The following CLDN16 variants were observed in gnomAD, a reference collection of about 807,000 sequenced individuals.
CLDN16 encodes claudin-16.
A neutral mutation model predicts 24.6 loss-of-function variants in CLDN16; 13 were observed. That is an observed-to-expected ratio of 0.53 (90% CI 0.34 to 0.84). The LOEUF is 0.84. Ranked by LOEUF, CLDN16 falls within the 40% of genes least tolerant of loss-of-function variation. The pLI is 0.01. For missense variants in CLDN16, 298 were observed against 292.7 expected (o/e 1.02, Z -0.13); for synonymous variants, 116 against 106.7 (o/e 1.09, Z -0.54).
the CLDN16 span, among the ~76,000 whole-genome samples, chr3:190,292,723 G>C: frequency 6.6e-6 from 1 of 152,070 alleles, no homozygotes; most frequent in African/African-American, 2.4e-5. Flanking sequence ...TATCTCTAGG[G>C]AAGAGGCAAA....
upstream of CLDN16, chr3:190,321,944 G>A (rs1029635385): frequency 1.3e-6 from 2 of 1,526,962 alleles, no homozygotes; most frequent in African/African-American, 2.7e-5. Flanking sequence ...AGGGGGACTG[G>A]GGCCTCTGGA....
chr3:190,360,718 T>C (rs1717870223), intron 1 of CLDN16, among the ~76,000 whole-genome samples: 1 of 151,990 alleles, frequency 6.6e-6, no homozygotes, highest in African/African-American at 2.4e-5. Flanking sequence ...AACTTTTTTT[T>C]CTCCATAGAG....
rs913158756 is a variant in CLDN16 at position 190,412,043 on chromosome 3, T to A, written c.*2007T>A. ...ATGTAATTTTTCCATTTTAAATATT[T>A]CATTTGTATAAGAAAATATTTCAGA... On this transcript the variant is annotated 3_prime_UTR_variant, in exon 5 of 5. Transcript: ENST00000264734. 4 of 152,140 alleles carry A rather than the reference T, an allele frequency of 2.6e-5. No homozygotes were observed. Among genetic ancestry groups the A allele is most frequent in the African/African-American group, 9.6e-5 (4 of 41,452 alleles). The allele number at this position is 152,140 out of a possible 1,614,324, so 9.4% of individuals were successfully genotyped here.
chr3:190,386,334 G>A (rs6788908), upstream of CLDN16, among the ~76,000 whole-genome samples: 121,442 of 152,070 alleles, frequency 0.8, 48,645 homozygotes, highest in East Asian at 0.89. Flanking sequence ...AATGTACCTC[G>A]CAGATAGTTA....
chr3:190,401,433 G>A lies in CLDN16; in HGVS notation c.115-904G>A, dbSNP rs138702302. 1.1e-3 allele frequency among the ~76,000 whole-genome samples: 162 copies of A among 152,260 alleles called. 1 individual carries two copies. The highest frequency in any genetic ancestry group is 3.7e-3 in the African/African-American group (153 of 41,554). ...TACTAAACTATTCCCAGATACAGAA[G>A]GTAATTTGAATCCATAACTGGGTCA... On this transcript the variant is annotated intron_variant, in intron 1 of 4. Transcript: ENST00000264734.
the CLDN16 span, among the ~76,000 whole-genome samples, chr3:190,304,685 A>T: frequency 6.6e-6 from 1 of 152,116 alleles, no homozygotes; most frequent in Non-Finnish European, 1.5e-5. Context: ...CTGGGGGTAA[A>T]TGGGGTTTTT....
intron 3 of CLDN16, among the ~76,000 whole-genome samples, chr3:190,406,887 G>A (rs867643466): frequency 2.2e-4 from 34 of 151,716 alleles, no homozygotes; most frequent in African/African-American, 7.8e-4. Flanking sequence ...GACTACAGGC[G>A]CCCACCACCA....
intron 1 of CLDN16, among the ~76,000 whole-genome samples, chr3:190,393,647 G>T (rs1163040214): frequency 2.0e-5 from 3 of 151,336 alleles, no homozygotes; most frequent in African/African-American, 7.3e-5. Context: ...TTTGCATAAT[G>T]TTCGCTGAAC....
At chr3:190,334,401 A>G (rs534236541) in intron 1 of CLDN16, among the ~76,000 whole-genome samples, 5 of 152,314 alleles carry the variant, frequency 3.3e-5, no homozygotes, top group African/African-American at 1.2e-4. Context: ...GAATAAAGAG[A>G]CTGAGAAGGG....
the CLDN16 span, among the ~76,000 whole-genome samples, chr3:190,314,401 T>G: frequency 4.6e-5 from 7 of 152,288 alleles, no homozygotes; most frequent in African/African-American, 1.7e-4. Context: ...ATCTCTTTAT[T>G]TTTCTTTTTT....
the CLDN16 span, chr3:190,313,274 C>A: frequency 1.9e-6 from 1 of 513,854 alleles, no homozygotes; most frequent in Admixed American, 3.5e-5. Context: ...TTTTATGTTT[C>A]CAACATTAAA....
intron 3 of CLDN16, among the ~76,000 whole-genome samples, chr3:190,379,476 G>T (rs908771513): frequency 6.6e-6 from 1 of 152,040 alleles, no homozygotes; most frequent in African/African-American, 2.4e-5. Context: ...ATGGCACATA[G>T]AATTCATTTG....
intron 1 of CLDN16, among the ~76,000 whole-genome samples, chr3:190,393,747 C>CTTTTTTTTTTTTTTTTTT (rs58465741): frequency 8.7e-6 from 1 of 115,238 alleles, no homozygotes; most frequent in Non-Finnish European, 1.7e-5. Context: ...TGTCATTTGC[C>CTTTTTTTTTTTTTTTTTT]TTTTTTTTTT....
intron 1 of CLDN16, among the ~76,000 whole-genome samples, chr3:190,335,708 C>CAAAAA (rs34082811): frequency 8.3e-4 from 50 of 59,992 alleles, no homozygotes; most frequent in Middle Eastern, 0.011. Flanking sequence ...AAGACTCCAT[C>CAAAAA]AAAAAAAAAA....
At chr3:190,389,886 A>T (rs1718607103) in intron 1 of CLDN16, among the ~76,000 whole-genome samples, 2 of 152,230 alleles carry the variant, frequency 1.3e-5, no homozygotes, top group African/African-American at 2.4e-5. Context: ...GTAAAATCCC[A>T]TCTAGGGGCA....
intron 1 of CLDN16, among the ~76,000 whole-genome samples, chr3:190,390,841 A>T (rs1451932978): frequency 6.6e-6 from 1 of 152,120 alleles, no homozygotes; most frequent in Non-Finnish European, 1.5e-5. Context: ...GATAGAGTGT[A>T]CTGGTGTGAT....
At chr3:190,298,348 TACACAC>T in the CLDN16 span, among the ~76,000 whole-genome samples, 14 of 147,852 alleles carry the variant, frequency 9.5e-5, no homozygotes, top group Non-Finnish European at 1.8e-4. Flanking sequence ...ATGTATATTA[TACACAC>T]ACACACACAC....
intron 1 of CLDN16, among the ~76,000 whole-genome samples, chr3:190,398,772 C>T (rs896126257): frequency 6.6e-6 from 1 of 152,094 alleles, no homozygotes; most frequent in African/African-American, 2.4e-5. Flanking sequence ...ATTCTTATAA[C>T]CATCCTATGA....
At chr3:190,348,625 C>T (rs76163529) in intron 1 of CLDN16, among the ~76,000 whole-genome samples, 1 of 152,074 alleles carries the variant, frequency 6.6e-6, no homozygotes, top group Non-Finnish European at 1.5e-5. Flanking sequence ...GCCAAGCAAA[C>T]CTTCTTTTAT....
Sources: gnomAD v4.1 joint callset for allele counts (sites outside exome capture counted in the v4.1 genomes callset) on GRCh38, gnomAD v4.1.1 for gene constraint, MANE v1.5 for transcripts, NCBI Gene and HGNC (gene_info 2026-07-23, HGNC 2026-07-21) for gene names.